The following CACNB2 variants were observed in gnomAD, a reference collection of about 807,000 sequenced individuals.
CACNB2 encodes calcium voltage-gated channel auxiliary subunit beta 2.
CACNB2 carries 42 observed loss-of-function variants against 73.3 expected under a neutral mutation model. The ratio of observed to expected loss-of-function variants is 0.57; its 90% CI spans 0.45 to 0.74. The LOEUF is 0.74. CACNB2 is among the 30% of genes least tolerant of loss of function. CACNB2 has a pLI of 0.00. For synonymous variants in CACNB2, 348 were observed against 310.3 expected, an observed-to-expected ratio of 1.12 and a Z score of -1.28; for missense variants, 940 against 853.0, an observed-to-expected ratio of 1.10 and a Z score of -1.27.
At chr10:18,483,965 T>C (rs1229462518) in intron 3 of CACNB2, among the ~76,000 whole-genome samples, 1 of 152,220 alleles carries the variant, frequency 6.6e-6, no homozygotes, top group Non-Finnish European at 1.5e-5. Context: ...AACAACTCAG[T>C]GTTCAGGGTA....
chr10:18,456,579 C>T (rs897773819), intron 3 of CACNB2, among the ~76,000 whole-genome samples: 1 of 152,154 alleles, frequency 6.6e-6, no homozygotes, highest in Non-Finnish European at 1.5e-5. Flanking sequence ...TCCCACCAGG[C>T]CCCACCTCCA....
At chr10:18,383,707 G>A (rs1423579445) in intron 2 of CACNB2, among the ~76,000 whole-genome samples, 2 of 139,468 alleles carry the variant, frequency 1.4e-5, no homozygotes, top group Non-Finnish European at 3.2e-5. Flanking sequence ...AGCGAATAGA[G>A]TGCCATTGTT....
Position 18,539,292 on chromosome 10 carries a change from A to C in CACNB2, c.1551A>C (p.Glu517Asp). 1 of 1,613,932 alleles carries C rather than the reference A, an allele frequency of 6.2e-7. No individual in the cohort carries two copies. Among genetic ancestry groups the C allele is most frequent in the Non-Finnish European group, 8.5e-7 (1 of 1,179,936 alleles). The change falls in exon 14 of 14, where the codon GAA becomes GAC. Residue 517 changes from glutamate (E) to aspartate (D), a missense_variant. Transcript: ENST00000324631. ...CTATCCGTTCTGCTTCCCAAGCTGAAGAAGAACCTAGTGTGGAACCAGTCA... is the reference window on the plus strand; with the variant it reads ...CTATCCGTTCTGCTTCCCAAGCTGACGAAGAACCTAGTGTGGAACCAGTCA... ...SAPIRSASQA[E>D]EEPSVEPVKK...
At chr10:18,242,210 G>C (rs539170494) in intron 2 of CACNB2, among the ~76,000 whole-genome samples, 1 of 151,730 alleles carries the variant, frequency 6.6e-6, no homozygotes, top group South Asian at 2.1e-4. Flanking sequence ...TTCAATTTAT[G>C]TAATATATAT....
chr10:18,308,940 T>C (rs2039851558), intron 2 of CACNB2, among the ~76,000 whole-genome samples: 1 of 152,196 alleles, frequency 6.6e-6, no homozygotes. Flanking sequence ...AAAGCAGTCA[T>C]ATTTGAATAC....
At chr10:18,163,547 A>G (rs2032626527) in intron 2 of CACNB2, among the ~76,000 whole-genome samples, 1 of 152,178 alleles carries the variant, frequency 6.6e-6, no homozygotes, top group Non-Finnish European at 1.5e-5. Context: ...GTTGCATCCC[A>G]AGAGCTGAGT....
At chr10:18,378,399 G>T (rs1466755595) in intron 2 of CACNB2, among the ~76,000 whole-genome samples, 2 of 152,052 alleles carry the variant, frequency 1.3e-5, no homozygotes, top group African/African-American at 4.8e-5. Flanking sequence ...TCTTTCTCTA[G>T]ATTTAATTGC....
chr10:18,186,303 C>G (rs2034149002), intron 2 of CACNB2, among the ~76,000 whole-genome samples: 1 of 151,926 alleles, frequency 6.6e-6, no homozygotes, highest in South Asian at 2.1e-4. Flanking sequence ...CCTGTAATCC[C>G]AGCTACTTGG....
chr10:18,309,811 T>C (rs1328149500), intron 2 of CACNB2, among the ~76,000 whole-genome samples: 1 of 152,190 alleles, frequency 6.6e-6, no homozygotes, highest in Non-Finnish European at 1.5e-5. Context: ...TCAGAATAGA[T>C]GTCCGGATAA....
intron 3 of CACNB2, among the ~76,000 whole-genome samples, chr10:18,489,245 C>G (rs2049263791): frequency 6.6e-6 from 1 of 151,900 alleles, no homozygotes; most frequent in African/African-American, 2.4e-5. Context: ...AAAAAATTAA[C>G]TGGACATGGT....
chr10:18,217,134 C>A (rs1222772004), intron 2 of CACNB2, among the ~76,000 whole-genome samples: 1 of 152,050 alleles, frequency 6.6e-6, no homozygotes, highest in Non-Finnish European at 1.5e-5. Flanking sequence ...CCCAGGAAAT[C>A]CCCTTCCCAC....
intron 2 of CACNB2, among the ~76,000 whole-genome samples, chr10:18,172,924 C>CTTTTTTTGTTTTTTTTTTTTTTTT (rs2033344023): frequency 8.5e-6 from 1 of 117,472 alleles, no homozygotes; most frequent in African/African-American, 3.3e-5. Context: ...ATAATAAGGC[C>CTTTTTTTGTTTTTTTTTTTTTTTT]TTTTTTTTTT....
chr10:18,345,023 T>C (rs956001396), intron 2 of CACNB2, among the ~76,000 whole-genome samples: 3 of 152,250 alleles, frequency 2.0e-5, no homozygotes, highest in Admixed American at 6.5e-5. Context: ...CAGCATAATA[T>C]AACATCGTGA....
intron 2 of CACNB2, among the ~76,000 whole-genome samples, chr10:18,267,788 G>A (rs953748375): frequency 6.6e-6 from 1 of 152,146 alleles, no homozygotes; most frequent in African/African-American, 2.4e-5. Flanking sequence ...GCATCTCCCA[G>A]CACAGCCCCA....
intron 13 of CACNB2, 131 bp from the exon 14 acceptor site, chr10:18,539,099 T>C: frequency 8.8e-7 from 1 of 1,134,196 alleles, no homozygotes. Context: ...ACCAAAGGGA[T>C]GAAGCTAGGT....
At position 18,518,392 on chromosome 10, in the gene CACNB2, G is replaced by A. The variant is rs1261492848; in HGVS notation, c.861G>A (p.Val287=). Residue 287 remains valine (V), a synonymous_variant, in exon 8 of 14, where the codon GTG becomes GTA. Transcript: ENST00000324631. The stretch of plus-strand genomic sequence containing the variant: ...CTTCCATGCGACCAGTGGTCCTAGT[G>A]GGCCCTTCTCTGAAGGGCTACGAGG... ...VVPSMRPVVL[V]GPSLKGYEVT... 1.2e-6 allele frequency: 2 copies of A among 1,612,874 alleles called. No individual in the cohort carries two copies. Among genetic ancestry groups the A allele is most frequent in the Admixed American group, 1.7e-5 (1 of 60,010 alleles).
chr10:18,417,250 C>A (rs934795777), intron 3 of CACNB2, among the ~76,000 whole-genome samples: 3 of 151,132 alleles, frequency 2.0e-5, no homozygotes, highest in African/African-American at 7.3e-5. Flanking sequence ...AAAAACTCAC[C>A]TTTTGTCCTG....
intron 3 of CACNB2, among the ~76,000 whole-genome samples, chr10:18,488,763 G>T (rs2049225707): frequency 6.6e-6 from 1 of 152,008 alleles, no homozygotes; most frequent in Non-Finnish European, 1.5e-5. Context: ...TTGTGGAACT[G>T]CCATCTACAC....
At chr10:18,432,159 A>G (rs1378502655) in intron 3 of CACNB2, among the ~76,000 whole-genome samples, 1 of 152,186 alleles carries the variant, frequency 6.6e-6, no homozygotes, top group Admixed American at 6.5e-5. Flanking sequence ...CTCTGTTTTA[A>G]TTATCCAAAA....
Sources: allele counts gnomAD v4.1 joint callset (sites outside exome capture counted in the v4.1 genomes callset), GRCh38; gene constraint gnomAD v4.1.1; transcripts MANE v1.5; gene names NCBI Gene and HGNC (gene_info 2026-07-23, HGNC 2026-07-21).